The following MTUS2 variants were observed in gnomAD, a reference collection of about 807,000 sequenced individuals.
MTUS2 encodes the protein microtubule-associated tumor suppressor candidate 2.
Under a neutral mutation model 114.1 loss-of-function variants are expected in MTUS2, and 40 were observed. That is an observed-to-expected ratio of 0.35 (90% CI 0.27 to 0.46). MTUS2 has a LOEUF of 0.46. MTUS2 is among the 20% of genes least tolerant of loss of function. The pLI is 1.00. For synonymous variants in MTUS2, 688 were observed against 672.0 expected (o/e 1.02, Z -0.37); for missense variants, 1,679 against 1,705.4 (o/e 0.98, Z 0.27).
chr13:28,909,709 T>C (rs1478098561), intron 2 of MTUS2, among the ~76,000 whole-genome samples: 1 of 151,982 alleles, frequency 6.6e-6, no homozygotes, highest in Admixed American at 6.6e-5. Flanking sequence ...AAATAAAGGG[T>C]ATTCAATTAG....
intron 8 of MTUS2, among the ~76,000 whole-genome samples, chr13:29,367,245 A>C (rs1870796899): frequency 1.3e-5 from 2 of 152,152 alleles, no homozygotes; most frequent in Admixed American, 1.3e-4. Flanking sequence ...GGACCTCAGC[A>C]GGCAAAGGTG....
chr13:29,407,309 T>C (rs1470155229), intron 8 of MTUS2, among the ~76,000 whole-genome samples: 1 of 152,116 alleles, frequency 6.6e-6, no homozygotes, highest in Non-Finnish European at 1.5e-5. Context: ...GAGCTGAACA[T>C]TTTTAAACAT....
At chr13:29,435,820 GC>G in intron 8 of MTUS2, among the ~76,000 whole-genome samples, 1 of 152,320 alleles carries the variant, frequency 6.6e-6, no homozygotes, top group South Asian at 2.1e-4. Context: ...AAGGGCTGTC[GC>G]CAAACTGCGC....
At chr13:29,491,867 G>C (rs554520972) in intron 11 of MTUS2, among the ~76,000 whole-genome samples, 1 of 145,962 alleles carries the variant, frequency 6.9e-6, no homozygotes, top group South Asian at 2.2e-4. Flanking sequence ...CCATGTATGT[G>C]ATGTGTGTGT....
At chr13:29,207,694 T>A (rs1232057399) in intron 5 of MTUS2, among the ~76,000 whole-genome samples, 1 of 152,216 alleles carries the variant, frequency 6.6e-6, no homozygotes, top group Middle Eastern at 3.2e-3. Flanking sequence ...GTTATTTTTG[T>A]TTTTAATTCT....
At chr13:29,289,284 TG>T (rs111690862) in intron 6 of MTUS2, among the ~76,000 whole-genome samples, 4,973 of 152,268 alleles carry the variant, frequency 0.033, 97 homozygotes, top group East Asian at 0.059. Context: ...GCAGAGAGGC[TG>T]GGTGGACACC....
chr13:29,423,186 G>A (rs1876248919), intron 8 of MTUS2, among the ~76,000 whole-genome samples: 1 of 152,206 alleles, frequency 6.6e-6, no homozygotes, highest in African/African-American at 2.4e-5. Context: ...AAGAGAAGGA[G>A]CTGCTTCCTT....
chr13:29,306,644 C>A (rs1899475372), intron 6 of MTUS2: 2 of 218,658 alleles, frequency 9.1e-6, no homozygotes, highest in Admixed American at 5.5e-5. Context: ...ACAGAGGACA[C>A]AAACAAATGG....
At chr13:29,300,465 T>G (rs976932241) in intron 6 of MTUS2, among the ~76,000 whole-genome samples, 2 of 152,216 alleles carry the variant, frequency 1.3e-5, no homozygotes, top group African/African-American at 4.8e-5. Context: ...ATTGTGATTT[T>G]CAACATTTGT....
At chr13:29,441,201 C>A (rs754326753) in intron 9 of MTUS2, among the ~76,000 whole-genome samples, 51 of 152,042 alleles carry the variant, frequency 3.4e-4, no homozygotes, top group Non-Finnish European at 6.0e-4. Flanking sequence ...CCTTCTCCCC[C>A]ACCAGGAGAA....
chr13:29,193,784 A>T (rs1894548873), intron 5 of MTUS2, among the ~76,000 whole-genome samples: 1 of 152,130 alleles, frequency 6.6e-6, no homozygotes, highest in African/African-American at 2.4e-5. Flanking sequence ...CCTCATTGCC[A>T]AGTCAATCCT....
chr13:29,006,461 C>G (rs1340548641), intron 2 of MTUS2, among the ~76,000 whole-genome samples: 1 of 152,112 alleles, frequency 6.6e-6, no homozygotes, highest in Non-Finnish European at 1.5e-5. Context: ...CCTAGTCCTC[C>G]AAACAAAGCT....
intron 8 of MTUS2, chr13:29,428,563 G>A (rs1362184939): frequency 2.8e-6 from 2 of 710,884 alleles, no homozygotes; most frequent in Non-Finnish European, 4.3e-6. Context: ...GTGGCAAAGT[G>A]ACCCTCCCTC....
rs758398912 is a variant in MTUS2 at position 28,908,046 on chromosome 13, T to TG, written c.-243+68202dup. On this transcript the variant is annotated intron_variant, in intron 2 of 15. Coordinates refer to ENST00000612955, the MANE Select transcript of MTUS2 (RefSeq NM_001033602.4). ...TCGTGTTGTGTCTTGGTGTGAATTT[T>TG]GGGGGGTTTATCCCATTTGGAATCC... 2.5e-4 allele frequency among the ~76,000 whole-genome samples: 38 copies of TG among 151,700 alleles called. 1 individual carries two copies. The highest frequency in any genetic ancestry group is 9.2e-4 in the African/African-American group (38 of 41,194).
At chr13:29,370,813 A>T (rs1344877187) in intron 8 of MTUS2, among the ~76,000 whole-genome samples, 1 of 152,234 alleles carries the variant, frequency 6.6e-6, no homozygotes, top group Non-Finnish European at 1.5e-5. Context: ...ATATAGCTCA[A>T]ATTAGAAGTA....
intron 7 of MTUS2, among the ~76,000 whole-genome samples, chr13:29,332,219 T>C (rs891482392): frequency 2.6e-5 from 4 of 152,338 alleles, no homozygotes; most frequent in Non-Finnish European, 5.9e-5. Flanking sequence ...GGCTATTAAT[T>C]ACTGCCTCAA....
At chr13:29,100,685 G>C in intron 4 of MTUS2, 88 bp from the exon 5 acceptor site, 1 of 1,414,456 alleles carries the variant, frequency 7.1e-7, no homozygotes, top group East Asian at 2.5e-5. Context: ...GTTTATGATA[G>C]AACTGGGTTC....
intron 2 of MTUS2, among the ~76,000 whole-genome samples, chr13:28,841,588 TTG>T (rs1875489454): frequency 6.6e-6 from 1 of 152,168 alleles, no homozygotes; most frequent in South Asian, 2.1e-4. Context: ...TTTTGGTTTC[TTG>T]GGTGCTGGAG....
chr13:29,469,001 AATAGAT>A, intron 9 of MTUS2, among the ~76,000 whole-genome samples: 1 of 152,344 alleles, frequency 6.6e-6, no homozygotes, highest in East Asian at 1.9e-4. Context: ...TAGTGGATGT[AATAGAT>A]ACCCCTGCAT....
Sources: allele counts gnomAD v4.1 joint callset (sites outside exome capture counted in the v4.1 genomes callset), GRCh38; gene constraint gnomAD v4.1.1; transcripts MANE v1.5; gene names NCBI Gene and HGNC (gene_info 2026-07-23, HGNC 2026-07-21).